GPC6: variants seen among roughly 807,000 people sequenced by gnomAD.
The protein encoded by GPC6 is glypican 6, also known as glypican-6.
In GPC6, 14 loss-of-function variants were observed where a neutral mutation model predicts 55.2. That is an observed-to-expected ratio of 0.25 (90% confidence interval 0.17 to 0.40). The LOEUF is 0.40. Ranked by LOEUF, GPC6 falls within the 10% of genes least tolerant of loss-of-function variation. GPC6 has a pLI of 1.00. For synonymous variants in GPC6, 278 were observed against 259.6 expected (o/e 1.07, Z -0.68); for missense variants, 641 against 708.5 (o/e 0.90, Z 1.08).
At position 93,612,913 on chromosome 13, in the gene GPC6, A is replaced by G. The variant is rs150878689; in HGVS notation, c.319+67492A>G. 3.9e-4 allele frequency among the ~76,000 whole-genome samples: 59 copies of G among 152,262 alleles called. No homozygotes were observed. The East Asian group carries it at 0.011, about 29-fold the overall frequency. On this transcript the variant is annotated intron_variant, in intron 2 of 8. Transcript: ENST00000377047. ...AGTATTTGAGGTAAAGACAAGATAA[A>G]TGAGGGAAACTGCTCCTAGATACCA...
At chr13:94,002,462 A>G (rs1227544621) in intron 3 of GPC6, among the ~76,000 whole-genome samples, 1 of 152,226 alleles carries the variant, frequency 6.6e-6, no homozygotes, top group African/African-American at 2.4e-5. Flanking sequence ...TTATTAGATT[A>G]TCTCAATATT....
chr13:93,511,266 G>A (rs1357481447), intron 1 of GPC6, among the ~76,000 whole-genome samples: 1 of 151,158 alleles, frequency 6.6e-6, no homozygotes, highest in Non-Finnish European at 1.5e-5. Context: ...TCTTTGTCTA[G>A]AACAATATAC....
intron 4 of GPC6, among the ~76,000 whole-genome samples, chr13:94,107,870 TA>T (rs543421135): frequency 1.3e-5 from 2 of 151,842 alleles, no homozygotes; most frequent in African/African-American, 4.8e-5. Context: ...ATGGCCATAA[TA>T]AAAAAAATTT....
At chr13:93,835,836 C>T (rs1195287753) in intron 3 of GPC6, among the ~76,000 whole-genome samples, 2 of 152,102 alleles carry the variant, frequency 1.3e-5, no homozygotes, top group African/African-American at 4.8e-5. Flanking sequence ...CAAGAGCAAT[C>T]ATTTCAACTT....
chr13:94,380,037 C>A (rs2139204895), intron 6 of GPC6, among the ~76,000 whole-genome samples: 1 of 152,264 alleles, frequency 6.6e-6, no homozygotes, highest in Non-Finnish European at 1.5e-5. Flanking sequence ...GTGCAACATC[C>A]ACCATTAAAT....
intron 2 of GPC6, among the ~76,000 whole-genome samples, chr13:93,803,846 A>G (rs867713881): frequency 2.0e-5 from 3 of 152,086 alleles, no homozygotes; most frequent in Admixed American, 6.6e-5. Flanking sequence ...ACCACACACT[A>G]TATTCTTCCA....
intron 4 of GPC6, among the ~76,000 whole-genome samples, chr13:94,172,083 T>C (rs1004276945): frequency 1.3e-5 from 2 of 151,930 alleles, no homozygotes; most frequent in Non-Finnish European, 2.9e-5. Context: ...ACACACAGAG[T>C]CCTAGCAGCA....
intron 2 of GPC6, among the ~76,000 whole-genome samples, chr13:93,702,603 T>C (rs1208007266): frequency 6.6e-6 from 1 of 152,032 alleles, no homozygotes; most frequent in Non-Finnish European, 1.5e-5. Flanking sequence ...ACAAGAAGGC[T>C]GTTTCATCTA....
intron 2 of GPC6, among the ~76,000 whole-genome samples, chr13:93,576,777 T>C (rs918730007): frequency 1.3e-5 from 2 of 152,180 alleles, no homozygotes; most frequent in Admixed American, 6.5e-5. Context: ...TATAATTTCA[T>C]ATAATTTCCA....
chr13:93,699,406 G>T (rs903580651), intron 2 of GPC6, among the ~76,000 whole-genome samples: 4 of 152,058 alleles, frequency 2.6e-5, no homozygotes, highest in Non-Finnish European at 5.9e-5. Context: ...GTGGAGGAGT[G>T]TGTGCACATG....
intron 2 of GPC6, among the ~76,000 whole-genome samples, chr13:93,663,609 T>A (rs73543572): frequency 0.043 from 6,584 of 152,272 alleles, 480 homozygotes; most frequent in African/African-American, 0.15. Flanking sequence ...TAATAGCAGT[T>A]GCTTTTGTTA....
At chr13:94,348,526 A>G (rs1195310388) in intron 6 of GPC6, among the ~76,000 whole-genome samples, 1 of 152,138 alleles carries the variant, frequency 6.6e-6, no homozygotes, top group Non-Finnish European at 1.5e-5. Flanking sequence ...AAACTCCCCT[A>G]TGTATTCCTG....
intron 2 of GPC6, among the ~76,000 whole-genome samples, chr13:93,607,298 TA>T (rs1878274181): frequency 6.6e-6 from 1 of 152,204 alleles, no homozygotes; most frequent in African/African-American, 2.4e-5. Flanking sequence ...TAACTGGATA[TA>T]AAAATTGCAA....
At chr13:93,359,615 G>C (rs1319867567) in intron 1 of GPC6, among the ~76,000 whole-genome samples, 2 of 152,300 alleles carry the variant, frequency 1.3e-5, no homozygotes, top group African/African-American at 4.8e-5. Flanking sequence ...ATATAGTTAA[G>C]TATATTTTAA....
intron 7 of GPC6, among the ~76,000 whole-genome samples, chr13:94,396,154 G>GA (rs1255661984): frequency 6.6e-6 from 1 of 152,106 alleles, no homozygotes; most frequent in East Asian, 1.9e-4. Context: ...CCAGCCCCAG[G>GA]GCGCTTCACC....
intron 2 of GPC6, among the ~76,000 whole-genome samples, chr13:93,770,933 A>G (rs1885269756): frequency 6.6e-6 from 1 of 152,006 alleles, no homozygotes; most frequent in Non-Finnish European, 1.5e-5. Context: ...GACTGATGAA[A>G]TCATAAAACG....
chr13:93,512,477 A>G (rs946303011), intron 1 of GPC6, among the ~76,000 whole-genome samples: 10 of 152,104 alleles, frequency 6.6e-5, no homozygotes. Flanking sequence ...TGATTTGTGT[A>G]TCTTGAATCA....
intron 3 of GPC6, among the ~76,000 whole-genome samples, chr13:93,848,498 G>C (rs571350280): frequency 4.0e-5 from 6 of 151,870 alleles, no homozygotes; most frequent in Non-Finnish European, 7.4e-5. Flanking sequence ...ACCTTCTTTT[G>C]GGCATCCTAC....
intron 3 of GPC6, among the ~76,000 whole-genome samples, chr13:93,919,031 C>A (rs995867455): frequency 6.6e-6 from 1 of 152,090 alleles, no homozygotes; most frequent in Admixed American, 6.5e-5. Flanking sequence ...TCATGAATGG[C>A]GTAGCACCAT....
Sources: allele counts gnomAD v4.1 joint callset (sites outside exome capture counted in the v4.1 genomes callset), GRCh38; gene constraint gnomAD v4.1.1; transcripts MANE v1.5; gene names NCBI Gene and HGNC (gene_info 2026-07-23, HGNC 2026-07-21).